CPQ: variants seen among roughly 807,000 people sequenced by gnomAD.
CPQ encodes the protein Ser-Met dipeptidase.
In CPQ, 37 loss-of-function variants were observed where a neutral mutation model predicts 45.7. The observed-to-expected ratio is 0.81, with a 90% CI of 0.62 to 1.07. The LOEUF is 1.07. Ranked by LOEUF, CPQ falls within the 50% of genes least tolerant of loss-of-function variation. The probability of loss-of-function intolerance (pLI) is 0.00; values close to 1 mark genes in which losing one functional copy is unlikely to be tolerated. For synonymous variants in CPQ, 186 were observed against 205.8 expected, an observed-to-expected ratio of 0.90 and a Z score of 0.82; for missense variants, 537 against 572.9, an observed-to-expected ratio of 0.94 and a Z score of 0.64.
At chr8:96,762,103 G>A (rs1030947157) in intron 1 of CPQ, among the ~76,000 whole-genome samples, 2 of 151,996 alleles carry the variant, frequency 1.3e-5, no homozygotes, top group African/African-American at 2.4e-5. Flanking sequence ...AGTATATCCT[G>A]GATGGTTATT....
intron 4 of CPQ, among the ~76,000 whole-genome samples, chr8:96,908,114 G>A (rs1812602716): frequency 1.8e-5 from 1 of 56,800 alleles, no homozygotes; most frequent in South Asian, 7.2e-4. Context: ...CAACGTGTGT[G>A]TGTGTGTGTG....
intron 3 of CPQ, among the ~76,000 whole-genome samples, chr8:96,846,522 G>T (rs1236736571): frequency 6.6e-6 from 1 of 151,980 alleles, no homozygotes; most frequent in Non-Finnish European, 1.5e-5. Flanking sequence ...ACTTTTAGTT[G>T]CTTTCTTTTA....
At position 96,835,118 on chromosome 8, in the gene CPQ, A is replaced by C. The variant is rs200399591; in HGVS notation, c.579A>C (p.Glu193Asp). ...AATACCGAACGCAGGGGGCGGTGGAAGCTGCCAAGGTGGGGGCTTTGGCAT... is the reference window on the plus strand; with the variant it reads ...AATACCGAACGCAGGGGGCGGTGGACGCTGCCAAGGTGGGGGCTTTGGCAT... ...TVQYRTQGAV[E>D]AAKVGALASL... The change falls in exon 3 of 8, where the codon GAA (glutamate) becomes GAC (aspartate). Residue 193 changes from glutamate (E) to aspartate (D), a missense_variant. Transcript: ENST00000220763. 1 of 1,594,122 alleles carries C rather than the reference A, an allele frequency of 6.3e-7. No individual in the cohort carries two copies. The highest frequency in any genetic ancestry group is 1.1e-5 in the South Asian group (1 of 88,812).
intron 7 of CPQ, among the ~76,000 whole-genome samples, chr8:97,126,589 A>G (rs999245989): frequency 2.0e-5 from 3 of 152,198 alleles, no homozygotes; most frequent in African/African-American, 7.2e-5. Flanking sequence ...AATATACAAA[A>G]TTAAAGTTTA....
At chr8:96,841,525 T>G (rs1170428379) in intron 3 of CPQ, among the ~76,000 whole-genome samples, 1 of 152,234 alleles carries the variant, frequency 6.6e-6, no homozygotes, top group African/African-American at 2.4e-5. Context: ...CCCAGATAGT[T>G]GAACAGGGAC....
chr8:96,697,256 T>C (rs1441102657), intron 1 of CPQ, among the ~76,000 whole-genome samples: 1 of 152,066 alleles, frequency 6.6e-6, no homozygotes, highest in African/African-American at 2.4e-5. Context: ...TATAAACAGA[T>C]TGAAAAACAA....
intron 4 of CPQ, among the ~76,000 whole-genome samples, chr8:96,923,669 G>C (rs2130912873): frequency 6.6e-6 from 1 of 152,220 alleles, no homozygotes; most frequent in Middle Eastern, 3.4e-3. Flanking sequence ...GGCCAAGCTA[G>C]GATGATAATG....
chr8:96,847,014 A>G (rs1811701082), intron 3 of CPQ, among the ~76,000 whole-genome samples: 1 of 152,210 alleles, frequency 6.6e-6, no homozygotes. Flanking sequence ...CACGTTAAAT[A>G]TATTTGGCAA....
intron 6 of CPQ, among the ~76,000 whole-genome samples, chr8:97,055,061 A>G (rs187026991): frequency 2.5e-4 from 38 of 152,206 alleles, no homozygotes; most frequent in South Asian, 1.5e-3. Context: ...CCCCTGTCCA[A>G]TGGAAGCTCA....
chr8:96,726,792 A>G (rs1809848202), intron 1 of CPQ, among the ~76,000 whole-genome samples: 1 of 152,172 alleles, frequency 6.6e-6, no homozygotes, highest in Non-Finnish European at 1.5e-5. Flanking sequence ...TTTTGAGAAG[A>G]GAAAGGGAGA....
intron 1 of CPQ, among the ~76,000 whole-genome samples, chr8:96,704,887 G>C (rs1471998124): frequency 6.6e-6 from 1 of 152,102 alleles, no homozygotes; most frequent in African/African-American, 2.4e-5. Flanking sequence ...GTATTAAGTA[G>C]ACAATTGGCT....
At chr8:96,711,185 T>C (rs1001093325) in intron 1 of CPQ, among the ~76,000 whole-genome samples, 1 of 152,162 alleles carries the variant, frequency 6.6e-6, no homozygotes, top group Non-Finnish European at 1.5e-5. Flanking sequence ...ATTAACTTTT[T>C]CCACCCCTTT....
chr8:96,954,852 T>G (rs1813329903), intron 4 of CPQ, among the ~76,000 whole-genome samples: 1 of 151,946 alleles, frequency 6.6e-6, no homozygotes, highest in Admixed American at 6.6e-5. Context: ...CGGTGTTTGG[T>G]TTTTTTGTCC....
At chr8:97,021,033 TG>T (rs2130454834) in intron 5 of CPQ, among the ~76,000 whole-genome samples, 1 of 152,266 alleles carries the variant, frequency 6.6e-6, no homozygotes, top group Non-Finnish European at 1.5e-5. Context: ...CATGATCAAG[TG>T]GGTTTCATAC....
chr8:97,033,617 T>G (rs1372173627), intron 6 of CPQ, among the ~76,000 whole-genome samples: 2 of 151,880 alleles, frequency 1.3e-5, no homozygotes, highest in African/African-American at 4.8e-5. Context: ...AAAGCTTGCA[T>G]GCACAATCTT....
At chr8:97,073,199 G>A (rs1290844440) in intron 7 of CPQ, among the ~76,000 whole-genome samples, 1 of 152,124 alleles carries the variant, frequency 6.6e-6, no homozygotes, top group East Asian at 1.9e-4. Flanking sequence ...TTTCCATCTT[G>A]CTTATTTCTG....
At chr8:96,654,349 A>C (rs1815613704) in intron 1 of CPQ, among the ~76,000 whole-genome samples, 1 of 152,190 alleles carries the variant, frequency 6.6e-6, no homozygotes, top group Non-Finnish European at 1.5e-5. Flanking sequence ...AGCTGGGCAC[A>C]GTTTTCTCCT....
chr8:97,073,496 T>C (rs1810790184), intron 7 of CPQ, among the ~76,000 whole-genome samples: 1 of 152,188 alleles, frequency 6.6e-6, no homozygotes, highest in Admixed American at 6.6e-5. Context: ...AAGGGATTGA[T>C]GCTCCATGGT....
chr8:96,903,305 A>G (rs1812536155), intron 4 of CPQ, among the ~76,000 whole-genome samples: 2 of 152,226 alleles, frequency 1.3e-5, no homozygotes, highest in African/African-American at 2.4e-5. Context: ...ATAGAGTAGT[A>G]GGCATAGTTC....
Sources: gnomAD v4.1 joint callset for allele counts (sites outside exome capture counted in the v4.1 genomes callset) on GRCh38, gnomAD v4.1.1 for gene constraint, MANE v1.5 for transcripts, NCBI Gene and HGNC (gene_info 2026-07-23, HGNC 2026-07-21) for gene names.